The following FSIP2 variants were observed in gnomAD, a reference collection of about 807,000 sequenced individuals.
The protein encoded by FSIP2 is fibrous sheath interacting protein 2.
Under a neutral mutation model 510.5 loss-of-function variants are expected in FSIP2, and 367 were observed. The observed-to-expected ratio is 0.72, with a 90% CI of 0.66 to 0.78. FSIP2 has a LOEUF of 0.78. Ranked by LOEUF, FSIP2 falls within the 30% of genes least tolerant of loss-of-function variation. FSIP2 has a pLI of 0.00. For missense variants in FSIP2, 7,594 were observed against 7,901.7 expected (o/e 0.96, Z 1.48); for synonymous variants, 2,601 against 2,732.2 (o/e 0.95, Z 1.50).
rs59331328 is a variant in FSIP2 at position 185,821,009 on chromosome 2, TAAAAA to T, written c.20427-3400_20427-3396del. ...TCAAGAAAACCAAGAGTTGGTTCGT[TAAAAA>T]AAAAAAAAAAAAAAAAAAAAAAAAT... On this transcript the variant is annotated intron_variant, in intron 19 of 22. Coordinates refer to ENST00000424728, the MANE Select transcript of FSIP2 (RefSeq NM_173651.4). Among the ~76,000 whole-genome samples the T allele has an allele frequency of 3.3e-3, 250 of 74,946 alleles. 4 individuals carry two copies. The highest frequency in any genetic ancestry group is 0.021 in the South Asian group (37 of 1,788). The allele number at this position is 74,946 out of a possible 152,430, so 49.2% of individuals were successfully genotyped here.
intron 13 of FSIP2, among the ~76,000 whole-genome samples, chr2:185,768,479 G>A (rs746153082): frequency 2.0e-5 from 3 of 151,788 alleles, no homozygotes; most frequent in Admixed American, 6.6e-5. Context: ...TTCTGCCTGT[G>A]GACATACCGT....
rs1330496335 is a variant in FSIP2 at position 185,791,396 on chromosome 2, T to A, written c.4260T>A (p.Gly1420=). The A allele has an allele frequency of 6.5e-7, 1 of 1,534,200 alleles. No individual in the cohort carries two copies. The highest frequency in any genetic ancestry group is 8.7e-7 in the Non-Finnish European group (1 of 1,145,574). The part of the protein sequence containing the change: ...ATPCTHHSVN[G]GNHIKENAKL... ...CTTGTACTCACCACAGTGTCAATGG[T>A]GGAAACCATATTAAAGAGAATGCAA... Residue 1420 remains glycine, a synonymous_variant, in exon 16 of 23, where the codon GGT becomes GGA. Coordinates refer to ENST00000424728, the MANE Select transcript of FSIP2 (RefSeq NM_173651.4).
At chr2:185,773,879 A>C (rs1692663673) in intron 13 of FSIP2, among the ~76,000 whole-genome samples, 2 of 152,148 alleles carry the variant, frequency 1.3e-5, no homozygotes, top group East Asian at 3.9e-4. Context: ...GTCTGCTTTT[A>C]AAGATTGGAG....
intron 2 of FSIP2, among the ~76,000 whole-genome samples, chr2:185,740,081 GCTT>G (rs1300235551): frequency 1.3e-5 from 2 of 152,116 alleles, no homozygotes; most frequent in Non-Finnish European, 2.9e-5. Context: ...GAGAGGCTCA[GCTT>G]CTTCAAGTTG....
In FSIP2 at chr2:185,804,272, T is replaced by C. The variant is rs1221510962; in HGVS notation, c.14966T>C (p.Val4989Ala). 6 of 1,528,846 alleles carry C rather than the reference T, an allele frequency of 3.9e-6. No individual in the cohort carries two copies. Among genetic ancestry groups the C allele is most frequent in the Non-Finnish European group, 5.2e-6 (6 of 1,143,374 alleles). The allele number at this position is 1,528,846 out of a possible 1,614,324, so 94.7% of individuals were successfully genotyped here. A position where few individuals can be genotyped will look rare whatever the true frequency, so the allele number is the denominator to read the frequency against. The change falls in exon 17 of 23, where the codon GTA (valine) becomes GCA (alanine). Residue 4989 changes from valine to alanine, a missense_variant. Coordinates refer to ENST00000424728, the MANE Select transcript of FSIP2 (RefSeq NM_173651.4). ...CTTACCAGGATTGTTACAACATTGG[T>C]AAATTCAATTGTTCTGGAGTTCACC... ...LKLTRIVTTL[V>A]NSIVLEFTTS...
chr2:185,804,005 TAAAA>T lies in FSIP2; in HGVS notation c.14700_14703del (p.Ile4900MetfsTer29). On this transcript the variant is annotated frameshift_variant, in exon 17 of 23. Coordinates refer to ENST00000424728, the MANE Select transcript of FSIP2 (RefSeq NM_173651.4). LOFTEE classifies it high-confidence loss of function. ...GTTTCAAAAATAGCGAGTTTTATAA[TAAAA>T]GAAATCTTTAACCATCATATTCAAT... The T allele has an allele frequency of 1.3e-6, 2 of 1,498,176 alleles. No individual in the cohort carries two copies. The highest frequency in any genetic ancestry group is 1.8e-6 in the Non-Finnish European group (2 of 1,128,302). 92.8% of individuals were successfully genotyped at this position (1,498,176 alleles called of 1,614,324 possible). A position where few individuals can be genotyped will look rare whatever the true frequency, so the allele number is the denominator to read the frequency against.
upstream of FSIP2, chr2:185,738,648 C>T: frequency 6.5e-7 from 1 of 1,536,052 alleles, no homozygotes; most frequent in Non-Finnish European, 8.7e-7. Flanking sequence ...AACTGTGGTC[C>T]TCTCAGATCA....
At position 185,813,532 on chromosome 2, in the gene FSIP2, C is replaced by A. The variant is rs1693776113; in HGVS notation, c.19828-13C>A. Reference sequence around the variant, plus strand: ...GCATTTGATTTTAATATTTGCTATACCTTTAATTTCAGGCCGTTGCTAGAA... The same window carrying A: ...GCATTTGATTTTAATATTTGCTATAACTTTAATTTCAGGCCGTTGCTAGAA... On this transcript the variant is annotated splice_polypyrimidine_tract_variant and intron_variant, in intron 17 of 22. Transcript: ENST00000424728. The A allele has an allele frequency of 5.4e-6, 8 of 1,483,858 alleles. 1 individual carries two copies. Among genetic ancestry groups the A allele is most frequent in the African/African-American group, 1.4e-5 (1 of 70,784 alleles). The allele number at this position is 1,483,858 out of a possible 1,614,324, so 91.9% of individuals were successfully genotyped here.
rs1229756947 is a variant in FSIP2, at chr2:185,804,137, A to G, written c.14831A>G (p.Asn4944Ser). Residue 4944 changes from asparagine (N) to serine (S), a missense_variant, in exon 17 of 23, where the codon AAC (asparagine) becomes AGC (serine). Asn to Ser is a conservative substitution (Grantham distance 46, BLOSUM62 1). Coordinates refer to ENST00000424728, the MANE Select transcript of FSIP2 (RefSeq NM_173651.4). ...PKQRELSFIV[N>S]SSVFLEEVIS... ...CAAAGAGAATTATCTTTTATTGTGA[A>G]CTCATCTGTCTTTTTGGAGGAAGTA... 2.0e-6 allele frequency: 3 copies of G among 1,517,346 alleles called. No individual in the cohort carries two copies. The highest frequency in any genetic ancestry group is 2.6e-6 in the Non-Finnish European group (3 of 1,139,436). The allele number at this position is 1,517,346 out of a possible 1,614,324, so 94.0% of individuals were successfully genotyped here. A position where few individuals can be genotyped will look rare whatever the true frequency, so the allele number is the denominator to read the frequency against.
At chr2:185,826,844 T>A (rs1162563048) in intron 20 of FSIP2, among the ~76,000 whole-genome samples, 1 of 151,798 alleles carries the variant, frequency 6.6e-6, no homozygotes, top group African/African-American at 2.4e-5. Context: ...ACATTCAAGT[T>A]GAGATGTCAC....
chr2:185,820,395 A>G (rs1046425667), intron 19 of FSIP2, among the ~76,000 whole-genome samples: 15 of 151,882 alleles, frequency 9.9e-5, no homozygotes, highest in African/African-American at 3.1e-4. Flanking sequence ...ACCCAGTCTC[A>G]GGCAGACCTT....
At chr2:185,775,809 G>T (rs1353735202) in intron 13 of FSIP2, among the ~76,000 whole-genome samples, 1 of 152,004 alleles carries the variant, frequency 6.6e-6, no homozygotes. Flanking sequence ...GATTACAGGT[G>T]TGCACCACCA....
chr2:185,797,849 C>G (rs1173223725), intron 16 of FSIP2, among the ~76,000 whole-genome samples: 3 of 151,768 alleles, frequency 2.0e-5, no homozygotes, highest in African/African-American at 7.3e-5. Flanking sequence ...TGCCACTGCA[C>G]TCTAATTTTT....
chr2:185,820,845 A>G (rs1232194291), intron 19 of FSIP2, among the ~76,000 whole-genome samples: 1 of 151,478 alleles, frequency 6.6e-6, no homozygotes, highest in African/African-American at 2.4e-5. Context: ...TTCATTAATA[A>G]ATAAGAAAGA....
At chr2:185,777,974 G>A (rs1456858549) in intron 13 of FSIP2, among the ~76,000 whole-genome samples, 1 of 151,934 alleles carries the variant, frequency 6.6e-6, no homozygotes, top group Non-Finnish European at 1.5e-5. Flanking sequence ...AAATAACCTA[G>A]TTTTTGTTCT....
rs1693625967 is a variant in FSIP2, at chr2:185,807,924, G to T, written c.18618G>T (p.Glu6206Asp). ...KVHKERTKSL[E>D]TDMQKITSKV... ...ATAAAGAAAGAACAAAATCTCTAGA[G>T]ACTGATATGCAAAAAATAACTTCAA... The change falls in exon 17 of 23, where the codon GAG (glutamate) becomes GAT (aspartate). Residue 6206 changes from glutamate (E) to aspartate (D), a missense_variant. Glu to Asp is a conservative substitution (Grantham distance 45). Transcript: ENST00000424728. The T allele has an allele frequency of 6.2e-7, 1 of 1,603,924 alleles. No individual in the cohort carries two copies. Among genetic ancestry groups the T allele is most frequent in the African/African-American group, 1.3e-5 (1 of 74,090 alleles).
chr2:185,793,599 A>T lies in FSIP2; in HGVS notation c.6463A>T (p.Ile2155Leu). The change falls in exon 16 of 23, where the codon ATA becomes TTA. Residue 2155 changes from isoleucine to leucine, a missense_variant. By Grantham distance (5) the Ile-to-Leu change is conservative. Coordinates refer to ENST00000424728, the MANE Select transcript of FSIP2 (RefSeq NM_173651.4). ...LSVPKSDVILISNDIVNIVLH... is the reference protein window; with the variant it reads ...LSVPKSDVILLSNDIVNIVLH... ...AGTTCCTAAATCAGATGTCATTTTG[A>T]TATCCAATGATATAGTGAATATTGT... 6.5e-7 allele frequency: 1 copy of T among 1,534,100 alleles called. No homozygotes were observed.
chr2:185,806,060 A>C lies in FSIP2; in HGVS notation c.16754A>C (p.His5585Pro), dbSNP rs759646058. Residue 5585 changes from histidine (H) to proline (P), a missense_variant, in exon 17 of 23, where the codon CAT becomes CCT. By Grantham distance (77) the His-to-Pro change is moderately conservative. Transcript: ENST00000424728. ...KKGKDDEIYT[H>P]FSLIIDDTEY... The stretch of plus-strand genomic sequence containing the variant: ...GGGAAAGATGATGAGATATACACAC[A>C]TTTTTCATTAATAATTGATGATACA... The C allele has an allele frequency of 1.1e-5, 17 of 1,560,236 alleles. No individual in the cohort carries two copies. In the South Asian group the frequency reaches 1.8e-4, roughly 16 times the overall value.
Position 185,745,457 on chromosome 2 carries a change from T to C in FSIP2, c.506T>C (p.Ile169Thr). Reference protein sequence around the residue: ...QRILAKQLHNIPENNQIPQHC... With the variant: ...QRILAKQLHNTPENNQIPQHC... The stretch of plus-strand genomic sequence containing the variant: ...ATACTTGCAAAACAACTACATAACA[T>C]ACCGGAAAACAATCAAATCCCTCAA... The change falls in exon 5 of 23, where the codon ATA becomes ACA. Residue 169 changes from isoleucine (I) to threonine (T), a missense_variant. Ile to Thr is a moderately conservative substitution (Grantham distance 89). Coordinates refer to ENST00000424728, the MANE Select transcript of FSIP2 (RefSeq NM_173651.4). 1 of 1,533,962 alleles carries C rather than the reference T, an allele frequency of 6.5e-7. No homozygotes were observed. Among genetic ancestry groups the C allele is most frequent in the East Asian group, 2.4e-5 (1 of 40,856 alleles).
Sources: gnomAD v4.1 joint callset for allele counts (sites outside exome capture counted in the v4.1 genomes callset) on GRCh38, gnomAD v4.1.1 for gene constraint, MANE v1.5 for transcripts, NCBI Gene and HGNC (gene_info 2026-07-23, HGNC 2026-07-21) for gene names.